The following SLC4A4 variants were observed in gnomAD, a reference collection of about 807,000 sequenced individuals.
SLC4A4 encodes electrogenic sodium bicarbonate cotransporter 1.
Under a neutral mutation model 111.5 loss-of-function variants are expected in SLC4A4, and 27 were observed. That is an observed-to-expected ratio of 0.24 (90% CI 0.18 to 0.33). The LOEUF (loss-of-function observed/expected upper bound fraction) is 0.33, where lower values mean the gene tolerates loss of function less well. Ranked by LOEUF, SLC4A4 falls within the 10% of genes least tolerant of loss-of-function variation. The probability of loss-of-function intolerance (pLI) is 1.00; values close to 1 mark genes in which losing one functional copy is unlikely to be tolerated. For missense variants in SLC4A4, 909 were observed against 1,315.5 expected, an observed-to-expected ratio of 0.69 and a Z score of 4.78; for synonymous variants, 443 against 463.4, an observed-to-expected ratio of 0.96 and a Z score of 0.57.
rs73826254 is a variant in SLC4A4, at chr4:71,342,592, A to T, written c.389+3087A>T. ...TATACTGCTACACTCAGCTAAGACT[A>T]CTTTGACTTTCTTATTTTCATCTTG... is the stretch of plus-strand genomic sequence containing the variant. On this transcript the variant is annotated intron_variant, in intron 4 of 25. Transcript: ENST00000264485. Among the ~76,000 whole-genome samples the T allele has an allele frequency of 7.9e-3, 1,201 of 152,296 alleles. 17 individuals carry two copies. Among genetic ancestry groups the T allele is most frequent in the African/African-American group, 0.026 (1,063 of 41,578 alleles).
intron 8 of SLC4A4, among the ~76,000 whole-genome samples, chr4:71,443,165 G>T (rs112262011): frequency 2.3e-5 from 3 of 129,328 alleles, no homozygotes; most frequent in Non-Finnish European, 4.8e-5. Context: ...TTTTTTGAAG[G>T]GGGGTGATAG....
chr4:71,352,502 C>T (rs569903059), intron 5 of SLC4A4, among the ~76,000 whole-genome samples: 5 of 152,068 alleles, frequency 3.3e-5, no homozygotes, highest in African/African-American at 9.7e-5. Flanking sequence ...TATTAATTCC[C>T]GTGAGATACA....
At chr4:71,140,940 T>C (rs184935481) in intron 2 of SLC4A4, among the ~76,000 whole-genome samples, 1 of 152,338 alleles carries the variant, frequency 6.6e-6, no homozygotes, top group African/African-American at 2.4e-5. Flanking sequence ...TTTATGAATA[T>C]AATGTGGGAT....
chr4:71,507,699 A>G (rs1731544706), intron 16 of SLC4A4, among the ~76,000 whole-genome samples: 1 of 152,212 alleles, frequency 6.6e-6, no homozygotes, highest in South Asian at 2.1e-4. Flanking sequence ...GAGAAAATTA[A>G]CAAAGGTATT....
intron 21 of SLC4A4, among the ~76,000 whole-genome samples, chr4:71,556,771 A>C (rs996112734): frequency 3.9e-5 from 6 of 152,030 alleles, no homozygotes; most frequent in Non-Finnish European, 8.8e-5. Flanking sequence ...AGAGGGAAAA[A>C]GAAAACCCTT....
intron 7 of SLC4A4, among the ~76,000 whole-genome samples, chr4:71,433,961 T>A (rs1265959947): frequency 2.0e-5 from 3 of 152,058 alleles, no homozygotes; most frequent in Admixed American, 6.6e-5. Context: ...AAGCATAATG[T>A]TGAATTAGAA....
chr4:71,139,182 T>TGTGC (rs2148965480), intron 2 of SLC4A4, among the ~76,000 whole-genome samples: 1 of 8,470 alleles, frequency 1.2e-4, no homozygotes, highest in South Asian at 3.1e-3. Flanking sequence ...CTTTTCTTTG[T>TGTGC]GTGTGTGTGT....
chr4:71,138,305 C>G (rs1420997081), intron 2 of SLC4A4, among the ~76,000 whole-genome samples: 1 of 152,076 alleles, frequency 6.6e-6, no homozygotes, highest in Admixed American at 6.6e-5. Flanking sequence ...TATTAGTTTT[C>G]AGGCCAGGCT....
At chr4:71,448,650 T>G (rs1725480566) in intron 9 of SLC4A4, among the ~76,000 whole-genome samples, 1 of 152,186 alleles carries the variant, frequency 6.6e-6, no homozygotes, top group South Asian at 2.1e-4. Flanking sequence ...GCATTTTAGA[T>G]ATGAGAAAAT....
chr4:71,484,164 G>T (rs1729149562), intron 14 of SLC4A4, among the ~76,000 whole-genome samples: 2 of 151,804 alleles, frequency 1.3e-5, no homozygotes. Flanking sequence ...CTGTGCAGAA[G>T]CGCTTTAGTT....
At chr4:71,503,241 C>A (rs914913072) in intron 16 of SLC4A4, among the ~76,000 whole-genome samples, 1 of 136,714 alleles carries the variant, frequency 7.3e-6, no homozygotes, top group African/African-American at 2.7e-5. Context: ...ATAGTTTGGT[C>A]TTTTTTTTTT....
At chr4:71,080,322 C>T (rs1161571184) in intron 1 of SLC4A4, among the ~76,000 whole-genome samples, 5 of 152,054 alleles carry the variant, frequency 3.3e-5, no homozygotes, top group Admixed American at 6.5e-5. Flanking sequence ...TGCACTCTCT[C>T]TTTGCTGTTC....
At chr4:71,480,583 A>G (rs1354291107) in intron 14 of SLC4A4, among the ~76,000 whole-genome samples, 1 of 151,784 alleles carries the variant, frequency 6.6e-6, no homozygotes, top group Non-Finnish European at 1.5e-5. Flanking sequence ...TGCTCAAGTT[A>G]TCCAGAACCC....
intron 2 of SLC4A4, among the ~76,000 whole-genome samples, chr4:71,147,839 C>G (rs1272678880): frequency 2.0e-5 from 3 of 152,068 alleles, no homozygotes; most frequent in Non-Finnish European, 2.9e-5. Context: ...TGGTTGAATT[C>G]CACATGCCTG....
intron 7 of SLC4A4, among the ~76,000 whole-genome samples, chr4:71,408,128 T>C (rs1293063676): frequency 6.6e-6 from 1 of 152,176 alleles, no homozygotes; most frequent in African/African-American, 2.4e-5. Flanking sequence ...TTTTATTATA[T>C]CAGTCTTTTT....
chr4:71,075,971 A>AAATG (rs1741803826), intron 1 of SLC4A4, among the ~76,000 whole-genome samples: 1 of 149,622 alleles, frequency 6.7e-6, no homozygotes, highest in African/African-American at 2.5e-5. Context: ...ATAAATAAAT[A>AAATG]AATAAATAAA....
intron 1 of SLC4A4, among the ~76,000 whole-genome samples, chr4:71,069,506 T>C (rs1258777361): frequency 1.3e-5 from 2 of 152,240 alleles, no homozygotes; most frequent in Non-Finnish European, 2.9e-5. Context: ...CTGAGTTTCT[T>C]GCTACATGAG....
At chr4:71,198,865 T>A (rs1746127200) in intron 1 of SLC4A4, among the ~76,000 whole-genome samples, 1 of 152,146 alleles carries the variant, frequency 6.6e-6, no homozygotes, top group Admixed American at 6.5e-5. Context: ...TTAAAAAGTT[T>A]AAGTTTATAC....
intron 22 of SLC4A4, among the ~76,000 whole-genome samples, chr4:71,558,296 C>T (rs1736652089): frequency 2.0e-5 from 3 of 151,866 alleles, no homozygotes; most frequent in Admixed American, 1.3e-4. Context: ...GAGTGTAGGA[C>T]ATTTCAGTTC....
Sources: allele counts gnomAD v4.1 joint callset (sites outside exome capture counted in the v4.1 genomes callset), GRCh38; gene constraint gnomAD v4.1.1; transcripts MANE v1.5; gene names NCBI Gene and HGNC (gene_info 2026-07-23, HGNC 2026-07-21).